Variants in COL8A1 observed in about 807,000 individuals in gnomAD.
COL8A1 encodes collagen type VIII alpha 1 chain.
A neutral mutation model predicts 42.7 loss-of-function variants in COL8A1; 21 were observed. The ratio of observed to expected loss-of-function variants is 0.49; its 90% CI spans 0.35 to 0.71. COL8A1 has a LOEUF of 0.71. Ranked by LOEUF, COL8A1 falls within the 30% of genes least tolerant of loss-of-function variation. The pLI, the probability that COL8A1 is intolerant of heterozygous loss-of-function variation, is 0.01. For synonymous variants in COL8A1, 367 were observed against 369.1 expected (o/e 0.99, Z 0.06); for missense variants, 788 against 962.4 (o/e 0.82, Z 2.40).
chr3:99,675,091 A>G (rs1183551741), intron 1 of COL8A1, among the ~76,000 whole-genome samples: 1 of 151,856 alleles, frequency 6.6e-6, no homozygotes, highest in East Asian at 1.9e-4. Context: ...GTTATTTCTG[A>G]TTTTCTCATT....
chr3:99,792,023 C>T (rs1942009953), intron 3 of COL8A1, among the ~76,000 whole-genome samples: 1 of 152,200 alleles, frequency 6.6e-6, no homozygotes, highest in African/African-American at 2.4e-5. Flanking sequence ...GTTCCAGGCT[C>T]TGTGCTAGAC....
intron 1 of COL8A1, among the ~76,000 whole-genome samples, chr3:99,719,344 C>T (rs1397463856): frequency 1.3e-5 from 2 of 151,914 alleles, no homozygotes; most frequent in Non-Finnish European, 2.9e-5. Context: ...ATATTTCAAC[C>T]AAAAGGAGTT....
chr3:99,777,391 G>C (rs942118431), intron 2 of COL8A1, among the ~76,000 whole-genome samples: 1 of 152,160 alleles, frequency 6.6e-6, no homozygotes, highest in African/African-American at 2.4e-5. Context: ...GATTCAGATG[G>C]ATGAATAAAA....
At chr3:99,723,735 T>G (rs937625058) in intron 1 of COL8A1, among the ~76,000 whole-genome samples, 1 of 152,094 alleles carries the variant, frequency 6.6e-6, no homozygotes, top group Non-Finnish European at 1.5e-5. Flanking sequence ...TAAATTCCTC[T>G]GAAGGAAATA....
At chr3:99,746,541 T>G (rs990306007) in intron 2 of COL8A1, among the ~76,000 whole-genome samples, 1 of 152,128 alleles carries the variant, frequency 6.6e-6, no homozygotes, top group Non-Finnish European at 1.5e-5. Context: ...AGTATAATAA[T>G]AATGTTAAAC....
intron 1 of COL8A1, among the ~76,000 whole-genome samples, chr3:99,701,666 T>C (rs962724052): frequency 2.0e-5 from 3 of 152,224 alleles, no homozygotes; most frequent in African/African-American, 7.2e-5. Flanking sequence ...CCAGTCTGTT[T>C]CTGAATCTCT....
intron 1 of COL8A1, among the ~76,000 whole-genome samples, chr3:99,708,292 TGAA>T (rs1379257559): frequency 1.2e-4 from 19 of 152,268 alleles, no homozygotes; most frequent in African/African-American, 4.3e-4. Context: ...AACTGGAAAC[TGAA>T]GAAGATGCCA....
intron 1 of COL8A1, among the ~76,000 whole-genome samples, chr3:99,725,137 C>A (rs1478254933): frequency 6.6e-6 from 1 of 151,966 alleles, no homozygotes; most frequent in South Asian, 2.1e-4. Context: ...GGGGAGTGCT[C>A]TCTCTGGAAA....
At chr3:99,663,914 C>A (rs1235784221) in intron 1 of COL8A1, among the ~76,000 whole-genome samples, 4 of 152,120 alleles carry the variant, frequency 2.6e-5, no homozygotes, top group South Asian at 4.1e-4. Flanking sequence ...TCCTGCCCTA[C>A]CACTAATAAA....
chr3:99,714,408 C>G (rs1183003617), intron 1 of COL8A1, among the ~76,000 whole-genome samples: 1 of 152,074 alleles, frequency 6.6e-6, no homozygotes, highest in African/African-American at 2.4e-5. Context: ...CATAAAGTTC[C>G]CAGATTCTCA....
chr3:99,747,567 TAAA>T (rs1388749662), intron 2 of COL8A1, among the ~76,000 whole-genome samples: 1 of 152,154 alleles, frequency 6.6e-6, no homozygotes, highest in East Asian at 1.9e-4. Flanking sequence ...ACTTTGGAAA[TAAA>T]TAGAGTGGGG....
intron 1 of COL8A1, among the ~76,000 whole-genome samples, chr3:99,686,735 C>T (rs1200192353): frequency 1.3e-5 from 2 of 152,152 alleles, no homozygotes; most frequent in African/African-American, 4.8e-5. Context: ...CACCCAGTGG[C>T]GTGATCACAG....
intron 1 of COL8A1, among the ~76,000 whole-genome samples, chr3:99,650,626 G>A (rs187175532): frequency 6.6e-6 from 1 of 151,994 alleles, no homozygotes; most frequent in African/African-American, 2.4e-5. Context: ...TAGAGACAGG[G>A]TTTCACCATG....
Position 99,791,002 on chromosome 3 carries a change from A to C in COL8A1, c.320A>C (p.Lys107Thr), listed in dbSNP as rs1235205292. 3.1e-6 allele frequency: 5 copies of C among 1,610,762 alleles called. No individual in the cohort carries two copies. Among genetic ancestry groups the C allele is most frequent in the Non-Finnish European group, 4.2e-6 (5 of 1,177,372 alleles). The change falls in exon 3 of 4, where the codon AAA becomes ACA. Residue 107 changes from lysine to threonine, a missense_variant. Lys to Thr is a moderately conservative substitution (Grantham distance 78, BLOSUM62 -1). This residue lies in a region of COL8A1 where 421 missense variants were observed against 553.1 expected (regional missense o/e 0.76). Coordinates refer to ENST00000652472, the MANE Select transcript of COL8A1 (RefSeq NM_020351.4). The stretch of plus-strand genomic sequence containing the variant: ...ATGGGCAAGGAAGCCGTACCCAAGA[A>C]AGGCAAAGGTAACATCATACTCCCA... Reference protein sequence around the residue: ...PRMGKEAVPKKGKEIPLASLR... With the variant: ...PRMGKEAVPKTGKEIPLASLR...
At chr3:99,732,521 T>G (rs1170004273) in intron 1 of COL8A1, among the ~76,000 whole-genome samples, 1 of 152,126 alleles carries the variant, frequency 6.6e-6, no homozygotes, top group African/African-American at 2.4e-5. Flanking sequence ...TCAGATCTCA[T>G]GAGCACTCAC....
chr3:99,644,829 G>GGAAA (rs1352941338), intron 1 of COL8A1, among the ~76,000 whole-genome samples: 1 of 152,166 alleles, frequency 6.6e-6, no homozygotes, highest in Non-Finnish European at 1.5e-5. Context: ...GGTGTCAGCT[G>GGAAA]TCAACTTCTC....
chr3:99,752,559 A>T (rs1449284952), intron 2 of COL8A1, among the ~76,000 whole-genome samples: 1 of 151,904 alleles, frequency 6.6e-6, no homozygotes, highest in African/African-American at 2.4e-5. Flanking sequence ...GTCAGCTCCA[A>T]AGTTTTTTCC....
intron 1 of COL8A1, among the ~76,000 whole-genome samples, chr3:99,729,399 G>A (rs1940433426): frequency 6.6e-6 from 1 of 151,644 alleles, no homozygotes; most frequent in South Asian, 2.1e-4. Context: ...GATTATTTAG[G>A]TTTGGCTTCT....
intron 1 of COL8A1, among the ~76,000 whole-genome samples, chr3:99,649,570 T>G (rs1937772117): frequency 6.6e-6 from 1 of 152,156 alleles, no homozygotes; most frequent in African/African-American, 2.4e-5. Flanking sequence ...AAATATTCCT[T>G]GATGAAAATG....
Sources: allele counts gnomAD v4.1 joint callset (sites outside exome capture counted in the v4.1 genomes callset), GRCh38; gene constraint gnomAD v4.1.1; regional missense constraint gnomAD v4.1.1; transcripts MANE v1.5; gene names NCBI Gene and HGNC (gene_info 2026-07-23, HGNC 2026-07-21).